Variants in EP400 observed in about 807,000 individuals in gnomAD.
EP400 encodes the protein E1A-binding protein p400.
Under a neutral mutation model 354.1 loss-of-function variants are expected in EP400, and 105 were observed. The observed-to-expected ratio is 0.30, with a 90% CI of 0.25 to 0.35. The LOEUF is 0.35. EP400 is among the 10% of genes least tolerant of loss of function. The pLI is 1.00. For synonymous variants in EP400, 1,646 were observed against 1,716.9 expected, an observed-to-expected ratio of 0.96 and a Z score of 1.02; for missense variants, 3,280 against 4,121.0, an observed-to-expected ratio of 0.80 and a Z score of 5.59.
Position 132,027,969 on chromosome 12 carries a change from T to G in EP400, c.5110-48T>G. 1 of 1,591,548 alleles carries G rather than the reference T, an allele frequency of 6.3e-7. No individual in the cohort carries two copies. The highest frequency in any genetic ancestry group is 1.7e-5 in the Admixed American group (1 of 58,930). On this transcript the variant is annotated intron_variant, in intron 26 of 52. Coordinates refer to ENST00000389561, the MANE Select transcript of EP400 (RefSeq NM_015409.5). This position sits in a 1 kb window ranked among gnomAD's most constrained non-coding sequence, Gnocchi z 4.9. ...TGGGGGGTTGGTGAAGACAGGAACTTGTCATTCTGTTTCTCAAGTAACTGT... is the reference window on the plus strand; with the variant it reads ...TGGGGGGTTGGTGAAGACAGGAACTGGTCATTCTGTTTCTCAAGTAACTGT...
At chr12:131,962,284 C>G (rs962201294) in intron 2 of EP400, among the ~76,000 whole-genome samples, 4 of 152,170 alleles carry the variant, frequency 2.6e-5, no homozygotes, top group Admixed American at 1.3e-4. Context: ...TTTTTTTCCC[C>G]TTGTATCTGG....
Position 131,986,676 on chromosome 12 carries a change from G to GCA in EP400, c.2094_2095dup (p.Leu699HisfsTer38). On this transcript the variant is annotated frameshift_variant, in exon 6 of 53. Coordinates refer to ENST00000389561, the MANE Select transcript of EP400 (RefSeq NM_015409.5). LOFTEE classifies it high-confidence loss of function. ...TAGACCTTCCTCAGCCACCAATAAGGCACTATCTCCAGTCACTTCCCGGAC... is the reference window on the plus strand; with the variant it reads ...TAGACCTTCCTCAGCCACCAATAAGGCACACTATCTCCAGTCACTTCCCGGAC... 6.2e-7 allele frequency: 1 copy of GCA among 1,614,092 alleles called. No homozygotes were observed. The highest frequency in any genetic ancestry group is 1.1e-5 in the South Asian group (1 of 91,080).
intron 41 of EP400, among the ~76,000 whole-genome samples, chr12:132,051,994 T>G (rs976009596): frequency 1.2e-4 from 18 of 152,326 alleles, no homozygotes; most frequent in African/African-American, 4.1e-4. Flanking sequence ...CACGCTTGTC[T>G]TCTGGTCACT....
chr12:132,045,458 G>C lies in EP400; in HGVS notation c.6924G>C (p.Gln2308His). ...AGAAGAATATTCTGCTGAAGCAGCA[G>C]GTGCCATTCGCCAAGCCCCTGCCAA... ...EQKKNILLKQ[Q>H]VPFAKPLPTF... Residue 2308 changes from glutamine (Q) to histidine (H), a missense_variant, in exon 38 of 53, where the codon CAG (glutamine) becomes CAC (histidine). By Grantham distance (24) the Gln-to-His change is conservative. Around this residue, in one of 20 missense-constraint regions of EP400, gnomAD observed 231 missense variants for 257.9 expected, o/e 0.90. Coordinates refer to ENST00000389561, the MANE Select transcript of EP400 (RefSeq NM_015409.5). The C allele has an allele frequency of 6.2e-7, 1 of 1,614,208 alleles. No homozygotes were observed. The highest frequency in any genetic ancestry group is 8.5e-7 in the Non-Finnish European group (1 of 1,180,046).
At chr12:132,016,091 C>T (rs957447823) in intron 19 of EP400, among the ~76,000 whole-genome samples, 3 of 152,218 alleles carry the variant, frequency 2.0e-5, no homozygotes, top group Non-Finnish European at 2.9e-5. Context: ...TCCATCCCTT[C>T]TCCGGAACCA....
intron 1 of EP400, among the ~76,000 whole-genome samples, chr12:131,951,010 C>T (rs888023748): frequency 1.3e-5 from 2 of 152,006 alleles, no homozygotes; most frequent in East Asian, 1.9e-4. Flanking sequence ...AGCGATTCTC[C>T]TGCCTCAGCC....
At position 132,006,245 on chromosome 12, in the gene EP400, C is replaced by T. The variant is rs371110049; in HGVS notation, c.3069C>T (p.Asp1023=). The T allele has an allele frequency of 1.1e-5, 18 of 1,614,082 alleles. No homozygotes were observed. Among genetic ancestry groups the T allele is most frequent in the South Asian group, 3.3e-5 (3 of 91,086 alleles). Residue 1023 remains aspartate, a synonymous_variant, in exon 14 of 53, where the codon GAC becomes GAT. Transcript: ENST00000389561. Reference sequence around the variant, plus strand: ...AGCCAAACGCCAAGGACATTGCGGACGTCACTGCGGTGGCTGAAGCCATCC... The same window carrying T: ...AGCCAAACGCCAAGGACATTGCGGATGTCACTGCGGTGGCTGAAGCCATCC... ...IGKPNAKDIA[D]VTAVAEAILP... is the part of the protein sequence containing the mutation.
chr12:132,045,223 A>G, intron 37 of EP400, 96 bp from the exon 38 acceptor site: 1 of 1,534,642 alleles, frequency 6.5e-7, no homozygotes, highest in Non-Finnish European at 8.7e-7. Context: ...TTGCCCAGGC[A>G]CCTCCAGACT....
intron 21 of EP400, among the ~76,000 whole-genome samples, chr12:132,019,282 C>G (rs1593350906): frequency 6.6e-6 from 1 of 152,168 alleles, no homozygotes; most frequent in Non-Finnish European, 1.5e-5. Flanking sequence ...GCTCAAGGGA[C>G]CCTCCTGCCT....
At position 131,961,682 on chromosome 12, in the gene EP400, C is replaced by T. The variant is rs1309882641; in HGVS notation, c.1063C>T (p.Pro355Ser). 2 of 1,613,380 alleles carry T rather than the reference C, an allele frequency of 1.2e-6. No individual in the cohort carries two copies. The highest frequency in any genetic ancestry group is 1.7e-6 in the Non-Finnish European group (2 of 1,179,694). ...KKVPKKLEEIPPASPEMAQMR... is the reference protein window; with the variant it reads ...KKVPKKLEEISPASPEMAQMR... ...GGTTCCCAAGAAGTTAGAGGAGATT[C>T]CCCCAGCCTCTCCGGAGATGGCACA... The change falls in exon 2 of 53, where the codon CCC (proline) becomes TCC (serine). Residue 355 changes from proline to serine, a missense_variant. By Grantham distance (74) the Pro-to-Ser change is moderately conservative (BLOSUM62 -1). Coordinates refer to ENST00000389561, the MANE Select transcript of EP400 (RefSeq NM_015409.5).
At position 132,062,729 on chromosome 12, in the gene EP400, G is replaced by A. The variant is rs370311879; in HGVS notation, c.8334+28G>A. 1.7e-5 allele frequency: 28 copies of A among 1,609,338 alleles called. No individual in the cohort carries two copies. The South Asian group carries it at 1.9e-4, about 11-fold the overall frequency. On this transcript the variant is annotated intron_variant, in intron 47 of 52. Coordinates refer to ENST00000389561, the MANE Select transcript of EP400 (RefSeq NM_015409.5). ...GAGCATTTCCCAGAGGACCATGAAC[G>A]TGTGCGTCTTGCGGTCAGTCAGCCC...
chr12:132,008,886 C>G (rs1414574660), intron 15 of EP400, among the ~76,000 whole-genome samples: 2 of 144,592 alleles, frequency 1.4e-5, no homozygotes, highest in African/African-American at 5.1e-5. Context: ...TCCCAAAGTG[C>G]TGGGATTACA....
In EP400 at chr12:131,987,792, C is replaced by T. The variant is rs149947618; in HGVS notation, c.2311C>T (p.Arg771Cys). 11 of 1,613,030 alleles carry T rather than the reference C, an allele frequency of 6.8e-6. No individual in the cohort carries two copies. The highest frequency in any genetic ancestry group is 5.0e-5 in the Admixed American group (3 of 59,958). The change falls in exon 7 of 53, where the codon CGC becomes TGC. Residue 771 changes from arginine to cysteine, a missense_variant. Transcript: ENST00000389561. ...RRLPKLQEAPRPKSHWDYLLE... is the reference protein window; with the variant it reads ...RRLPKLQEAPCPKSHWDYLLE... Reference sequence around the variant, plus strand: ...TCTGCCAAAGCTGCAGGAGGCCCCACGCCCCAAGTCCCACTGGGACTATCT... The same window carrying T: ...TCTGCCAAAGCTGCAGGAGGCCCCATGCCCCAAGTCCCACTGGGACTATCT...
chr12:132,073,416 T>G (rs921894883), intron 51 of EP400, among the ~76,000 whole-genome samples: 3 of 151,638 alleles, frequency 2.0e-5, no homozygotes, highest in African/African-American at 7.3e-5. Context: ...TTTATTCATC[T>G]CAAATGCTGC....
intron 45 of EP400, among the ~76,000 whole-genome samples, chr12:132,060,336 T>G (rs534975232): frequency 1.3e-5 from 2 of 151,928 alleles, no homozygotes; most frequent in East Asian, 1.9e-4. Flanking sequence ...TTGAGCAGAG[T>G]CAATATTTGA....
At chr12:131,980,053 G>A (rs368618876) in intron 3 of EP400, among the ~76,000 whole-genome samples, 4 of 152,120 alleles carry the variant, frequency 2.6e-5, no homozygotes, top group African/African-American at 9.7e-5. Flanking sequence ...GAGTCATCAC[G>A]GTGTGATTAA....
intron 10 of EP400, 115 bp downstream of exon 10, chr12:131,991,571 C>A: frequency 3.5e-4 from 249 of 718,994 alleles, no homozygotes; most frequent in Non-Finnish European, 5.0e-4. Flanking sequence ...TACTTCCTTT[C>A]TTTTCTTTTT....
intron 39 of EP400, 94 bp downstream of exon 39, chr12:132,045,994 TG>T: frequency 6.8e-7 from 1 of 1,464,528 alleles, no homozygotes; most frequent in Non-Finnish European, 9.3e-7. Context: ...CTTCACTGAC[TG>T]GGCTCCTTCA....
At position 132,044,868 on chromosome 12, in the gene EP400, G is replaced by A. The variant is rs755597086; in HGVS notation, c.6699G>A (p.Met2233Ile). ...ACCTCGACTCGGTCATGTGTCTCAT[G>A]TATGAAGCCACTCCCATCCCAGAGG... Reference protein sequence around the residue: ...DIYLDSVMCLMYEATPIPEAK... With the variant: ...DIYLDSVMCLIYEATPIPEAK... Residue 2233 changes from methionine to isoleucine, a missense_variant, in exon 37 of 53, where the codon ATG (methionine) becomes ATA (isoleucine). Transcript: ENST00000389561. The A allele has an allele frequency of 6.2e-7, 1 of 1,614,070 alleles. No individual in the cohort carries two copies. Among genetic ancestry groups the A allele is most frequent in the Non-Finnish European group, 8.5e-7 (1 of 1,180,040 alleles).
Sources: gnomAD v4.1 joint callset for allele counts (sites outside exome capture counted in the v4.1 genomes callset) on GRCh38, gnomAD v4.1.1 for gene constraint, gnomAD v4.1.1 regional missense constraint, Gnocchi (gnomAD v3.1) non-coding constraint, MANE v1.5 for transcripts, NCBI Gene and HGNC (gene_info 2026-07-23, HGNC 2026-07-21) for gene names.